Variants in ZC3H7B observed in about 807,000 individuals in gnomAD.
The protein encoded by ZC3H7B is zinc finger CCCH-type containing 7B.
Under a neutral mutation model 116.0 loss-of-function variants are expected in ZC3H7B, and 35 were observed. That is an observed-to-expected ratio of 0.30 (90% CI 0.23 to 0.40). The LOEUF (loss-of-function observed/expected upper bound fraction) is 0.40. Ranked by LOEUF, ZC3H7B falls within the 10% of genes least tolerant of loss-of-function variation. The pLI is 1.00. For synonymous variants in ZC3H7B, 502 were observed against 545.6 expected (o/e 0.92, Z 1.11); for missense variants, 1,011 against 1,321.5 (o/e 0.77, Z 3.64).
rs778775462 is a variant in ZC3H7B at position 41,357,130 on chromosome 22, G to T, written c.2682-47G>T. 2.5e-6 allele frequency: 4 copies of T among 1,600,224 alleles called. No homozygotes were observed. The highest frequency in any genetic ancestry group is 1.9e-4 in the Middle Eastern group (1 of 5,134). The stretch of plus-strand genomic sequence containing the variant: ...GCCGGCCCCAGATGGACAGCCTGGG[G>T]TGGGAAGGGCACAGAGCTCGGGCAG... On this transcript the variant is annotated intron_variant, in intron 22 of 22. Coordinates refer to ENST00000352645, the MANE Select transcript of ZC3H7B (RefSeq NM_017590.6). This position sits in a 1 kb window ranked among gnomAD's most constrained non-coding sequence, Gnocchi z 5.4.
rs2035973595 is a variant in ZC3H7B, at chr22:41,302,076, C to T, written c.-7+304C>T. 6.6e-6 allele frequency among the ~76,000 whole-genome samples: 1 copy of T among 152,112 alleles called. No homozygotes were observed. Among genetic ancestry groups the T allele is most frequent in the Non-Finnish European group, 1.5e-5 (1 of 67,994 alleles). ...TGGCGCTGGGGAGACTTGGCCGCCC[C>T]TGCAGCCCCCAGGAGGTGTCTTGAA... On this transcript the variant is annotated intron_variant, in intron 1 of 22. Coordinates refer to ENST00000352645, the MANE Select transcript of ZC3H7B (RefSeq NM_017590.6). This position sits in a 1 kb window ranked among gnomAD's most constrained non-coding sequence, Gnocchi z 5.7.
At position 41,346,531 on chromosome 22, in the gene ZC3H7B, C is replaced by T. The variant is rs975071108; in HGVS notation, c.1665+323C>T. 4.6e-5 allele frequency among the ~76,000 whole-genome samples: 7 copies of T among 152,210 alleles called. No homozygotes were observed. The highest frequency in any genetic ancestry group is 1.0e-4 in the Non-Finnish European group (7 of 68,048). ...CACGTGGTTGTTTTCGTTTCTCATTCCTAGCCTGATGCAGTGGCTCACGCC... is the reference window on the plus strand; with the variant it reads ...CACGTGGTTGTTTTCGTTTCTCATTTCTAGCCTGATGCAGTGGCTCACGCC... On this transcript the variant is annotated intron_variant, in intron 14 of 22. Coordinates refer to ENST00000352645, the MANE Select transcript of ZC3H7B (RefSeq NM_017590.6). The surrounding 1 kb of genome is among the most constrained non-coding windows in gnomAD (Gnocchi z 5.3).
chr22:41,340,211 G>A, intron 10 of ZC3H7B, 74 bp downstream of exon 10: 3 of 1,422,716 alleles, frequency 2.1e-6, no homozygotes, highest in African/African-American at 1.4e-5. Flanking sequence ...GGTGCCTGGA[G>A]AGTGGAGTTG....
chr22:41,330,440 G>A (rs2036367080), intron 6 of ZC3H7B, among the ~76,000 whole-genome samples: 1 of 152,244 alleles, frequency 6.6e-6, no homozygotes, highest in Non-Finnish European at 1.5e-5. Context: ...CAAATTTGAA[G>A]TGTTGGTATC....
At chr22:41,311,046 T>G (rs1486207470) in intron 1 of ZC3H7B, among the ~76,000 whole-genome samples, 1 of 150,732 alleles carries the variant, frequency 6.6e-6, no homozygotes, top group Non-Finnish European at 1.5e-5. Flanking sequence ...ATTACAGGTG[T>G]GAGCCACCGC....
At chr22:41,318,635 G>A (rs139004501) in intron 1 of ZC3H7B, among the ~76,000 whole-genome samples, 150 of 151,660 alleles carry the variant, frequency 9.9e-4, no homozygotes, top group African/African-American at 3.6e-3. Flanking sequence ...TGTGATCTCA[G>A]CTGCTTGGGA....
chr22:41,325,408 G>A (rs1040151625), intron 2 of ZC3H7B, among the ~76,000 whole-genome samples, 156 bp from the exon 3 acceptor site: 1 of 152,168 alleles, frequency 6.6e-6, no homozygotes, highest in African/African-American at 2.4e-5. Flanking sequence ...GAACTGGAAG[G>A]CCTGCATGGC....
In ZC3H7B at chr22:41,302,724, A is replaced by T. The variant is rs1375095865; in HGVS notation, c.-7+952A>T. Among the ~76,000 whole-genome samples the T allele has an allele frequency of 6.6e-6, 1 of 152,114 alleles. No individual in the cohort carries two copies. The highest frequency in any genetic ancestry group is 1.5e-5 in the Non-Finnish European group (1 of 68,010). On this transcript the variant is annotated intron_variant, in intron 1 of 22. Coordinates refer to ENST00000352645, the MANE Select transcript of ZC3H7B (RefSeq NM_017590.6). The surrounding 1 kb of genome is among the most constrained non-coding windows in gnomAD (Gnocchi z 5.7). The stretch of plus-strand genomic sequence containing the variant: ...CTTTCACAGACAAAGCCGTCTTCCC[A>T]GGGGGGAAAATAATCATATAAAAAC...
At chr22:41,311,023 C>T (rs1469265935) in intron 1 of ZC3H7B, among the ~76,000 whole-genome samples, 1 of 151,830 alleles carries the variant, frequency 6.6e-6, no homozygotes, top group African/African-American at 2.4e-5. Context: ...CCTCGGCCTC[C>T]CAAAGTGCTG....
chr22:41,344,538 AGCACC>A (rs2036561738), intron 13 of ZC3H7B, among the ~76,000 whole-genome samples: 1 of 152,036 alleles, frequency 6.6e-6, no homozygotes, highest in Non-Finnish European at 1.5e-5. Context: ...TCCTCCTTCA[AGCACC>A]GCCTGAATCT....
chr22:41,355,546 G>A lies in ZC3H7B; in HGVS notation c.2112G>A (p.Gly704=). The A allele has an allele frequency of 1.2e-6, 2 of 1,614,154 alleles. No homozygotes were observed. The highest frequency in any genetic ancestry group is 1.7e-6 in the Non-Finnish European group (2 of 1,180,024). ...KFVCGQCWRN[G]QVVEPDKDLK... ...TATGTGGCCAGTGCTGGAGAAACGG[G>A]CAGGTGGTGGAGCCTGACAAGGACC... Residue 704 remains glycine (G), a synonymous_variant, in exon 18 of 23, where the codon GGG becomes GGA. Coordinates refer to ENST00000352645, the MANE Select transcript of ZC3H7B (RefSeq NM_017590.6).
rs544525825 is a variant in ZC3H7B, at chr22:41,341,298, G to C, written c.1197+152G>C. 1.3e-5 allele frequency: 12 copies of C among 906,704 alleles called. No individual in the cohort carries two copies. In the South Asian group the frequency reaches 1.8e-4, roughly 14 times the overall value. The allele number at this position is 906,704 out of a possible 1,614,324, so 56.2% of individuals were successfully genotyped here. ...TGGATGGATCAAAGATGATCACCTC[G>C]TGCCCTTCCTCACCAAGCCATATGC... On this transcript the variant is annotated intron_variant, in intron 11 of 22. Transcript: ENST00000352645.
chr22:41,355,552 G>T lies in ZC3H7B; in HGVS notation c.2118G>T (p.Val706=). Residue 706 remains valine (V), a synonymous_variant, in exon 18 of 23, where the codon GTG becomes GTT. Transcript: ENST00000352645. Reference sequence around the variant, plus strand: ...GCCAGTGCTGGAGAAACGGGCAGGTGGTGGAGCCTGACAAGGACCTCAAGT... The same window carrying T: ...GCCAGTGCTGGAGAAACGGGCAGGTTGTGGAGCCTGACAAGGACCTCAAGT... ...VCGQCWRNGQ[V]VEPDKDLKYC... is the part of the protein sequence containing the mutation. The T allele has an allele frequency of 3.7e-6, 6 of 1,614,178 alleles. No homozygotes were observed. The highest frequency in any genetic ancestry group is 5.1e-6 in the Non-Finnish European group (6 of 1,180,024).
intron 17 of ZC3H7B, among the ~76,000 whole-genome samples, chr22:41,354,390 A>G (rs1280255373): frequency 6.6e-6 from 1 of 152,176 alleles, no homozygotes; most frequent in African/African-American, 2.4e-5. Context: ...GGGGCTGAGC[A>G]GCCCACGAGT....
At chr22:41,326,458 C>T (rs554201674) in intron 4 of ZC3H7B, among the ~76,000 whole-genome samples, 28 of 150,884 alleles carry the variant, frequency 1.9e-4, no homozygotes, top group Non-Finnish European at 3.7e-4. Context: ...CTCACTGTTT[C>T]TTCCATAGCC....
intron 17 of ZC3H7B, among the ~76,000 whole-genome samples, chr22:41,352,226 C>A (rs2036661870): frequency 6.6e-6 from 1 of 152,154 alleles, no homozygotes; most frequent in Non-Finnish European, 1.5e-5. Context: ...TGTAAAAGGT[C>A]CATCCCTCTG....
rs372219022 is a variant in ZC3H7B at position 41,355,886 on chromosome 22, G to C, written c.2274+24G>C. ...ATGTGAGCGCTGGGATGGGGGGCTGGGGGTCCCCCAGGAGGCAGCGATGCT... is the reference window on the plus strand; with the variant it reads ...ATGTGAGCGCTGGGATGGGGGGCTGCGGGTCCCCCAGGAGGCAGCGATGCT... On this transcript the variant is annotated intron_variant, in intron 19 of 22. Coordinates refer to ENST00000352645, the MANE Select transcript of ZC3H7B (RefSeq NM_017590.6). The C allele has an allele frequency of 3.7e-6, 6 of 1,612,540 alleles. No individual in the cohort carries two copies. In the African/African-American group the frequency reaches 8.0e-5, roughly 22 times the overall value.
At chr22:41,310,128 C>G (rs930251134) in intron 1 of ZC3H7B, among the ~76,000 whole-genome samples, 1 of 152,122 alleles carries the variant, frequency 6.6e-6, no homozygotes, top group Non-Finnish European at 1.5e-5. Context: ...TGGTGTGAAC[C>G]CGGGAGGCGG....
chr22:41,307,270 G>T (rs750350905), intron 1 of ZC3H7B, among the ~76,000 whole-genome samples: 1 of 152,160 alleles, frequency 6.6e-6, no homozygotes, highest in Non-Finnish European at 1.5e-5. Context: ...CCCGTGCTGG[G>T]CCTGAAGTCG....
Sources: allele counts gnomAD v4.1 joint callset (sites outside exome capture counted in the v4.1 genomes callset), GRCh38; gene constraint gnomAD v4.1.1; non-coding constraint Gnocchi (gnomAD v3.1); transcripts MANE v1.5; gene names NCBI Gene and HGNC (gene_info 2026-07-23, HGNC 2026-07-21).